FAM227B: variants seen among roughly 807,000 people sequenced by gnomAD.
The protein encoded by FAM227B is family with sequence similarity 227 member B, also known as protein FAM227B.
In FAM227B, 88 loss-of-function variants were observed where a neutral mutation model predicts 73.8. The ratio of observed to expected loss-of-function variants is 1.19; its 90% CI spans 1.00 to 1.42. The LOEUF is 1.42. FAM227B is among the 40% of genes most tolerant of loss of function. The pLI, the probability that FAM227B is intolerant of heterozygous loss-of-function variation, is 0.00. For synonymous variants in FAM227B, 210 were observed against 190.5 expected, an observed-to-expected ratio of 1.10 and a Z score of -0.84; for missense variants, 632 against 590.9, an observed-to-expected ratio of 1.07 and a Z score of -0.72.
At chr15:49,430,387 A>G (rs1313511505) in intron 11 of FAM227B, among the ~76,000 whole-genome samples, 1 of 151,790 alleles carries the variant, frequency 6.6e-6, no homozygotes, top group African/African-American at 2.4e-5. Context: ...ATGCTCCCAG[A>G]TTAGGATCTC....
At chr15:49,515,908 G>A (rs772619929) in intron 10 of FAM227B, among the ~76,000 whole-genome samples, 10 of 152,036 alleles carry the variant, frequency 6.6e-5, no homozygotes, top group East Asian at 1.9e-4. Flanking sequence ...GATATCCTCC[G>A]TTGCCCTGAA....
intron 9 of FAM227B, among the ~76,000 whole-genome samples, chr15:49,545,879 T>G (rs1430717113): frequency 1.3e-5 from 2 of 151,918 alleles, no homozygotes; most frequent in Non-Finnish European, 2.9e-5. Context: ...TTGATTTTCT[T>G]AAATTTATTG....
chr15:49,345,376 T>C lies in FAM227B; in HGVS notation c.1272-9880A>G, dbSNP rs183863210. Among the ~76,000 whole-genome samples, 225 of 152,348 alleles carry C rather than the reference T, an allele frequency of 1.5e-3. 1 individual carries two copies. Among genetic ancestry groups the C allele is most frequent in the Middle Eastern group, 0.01 (3 of 294 alleles). On this transcript the variant is annotated intron_variant, in intron 13 of 15. Transcript: ENST00000299338. Reference sequence around the variant, plus strand: ...AATGAAGTGCTGGGCTGCATGATGTTGGTGTTGACTGAAATCTTAGCATTT... The same window carrying C: ...AATGAAGTGCTGGGCTGCATGATGTCGGTGTTGACTGAAATCTTAGCATTT...
At chr15:49,424,850 A>C (rs1473956621) in intron 11 of FAM227B, 1 of 244,678 alleles carries the variant, frequency 4.1e-6, no homozygotes, top group African/African-American at 2.2e-5. Context: ...TCATAAGTTA[A>C]GCAAAATGTA....
At chr15:49,478,664 T>C (rs1362459818) in intron 11 of FAM227B, among the ~76,000 whole-genome samples, 1 of 152,134 alleles carries the variant, frequency 6.6e-6, no homozygotes, top group East Asian at 1.9e-4. Flanking sequence ...GCCTCCACTT[T>C]TTTTCCAACT....
At chr15:49,378,590 A>C (rs2046320716) in intron 11 of FAM227B, among the ~76,000 whole-genome samples, 1 of 151,892 alleles carries the variant, frequency 6.6e-6, no homozygotes, top group South Asian at 2.1e-4. Context: ...TACTTTTAAG[A>C]TTTCTTATTC....
At position 49,396,756 on chromosome 15, in the gene FAM227B, G is replaced by A. The variant is rs538476185; in HGVS notation, c.1013-25357C>T. 6.7e-3 allele frequency among the ~76,000 whole-genome samples: 984 copies of A among 146,394 alleles called. 8 individuals are homozygous for A. Among genetic ancestry groups the A allele is most frequent in the African/African-American group, 0.011 (439 of 40,874 alleles). Reference sequence around the variant, plus strand: ...GGGCACACTGACACCTCACACGGCAGGGTACTCCAACAGACCTGCGGCTGA... The same window carrying A: ...GGGCACACTGACACCTCACACGGCAAGGTACTCCAACAGACCTGCGGCTGA... On this transcript the variant is annotated intron_variant, in intron 11 of 15. Coordinates refer to ENST00000299338, the MANE Select transcript of FAM227B (RefSeq NM_152647.3).
chr15:49,616,507 C>T (rs942669734), intron 1 of FAM227B, among the ~76,000 whole-genome samples: 3 of 151,936 alleles, frequency 2.0e-5, no homozygotes, highest in Non-Finnish European at 4.4e-5. Context: ...GATGCTCTGT[C>T]TATATAAGAG....
chr15:49,387,245 C>T (rs543156772), intron 11 of FAM227B, among the ~76,000 whole-genome samples: 2 of 151,710 alleles, frequency 1.3e-5, no homozygotes, highest in South Asian at 2.1e-4. Flanking sequence ...AAATCCCCCC[C>T]AAAATACTAG....
chr15:49,600,611 C>T (rs1370783937), intron 3 of FAM227B, among the ~76,000 whole-genome samples: 1 of 148,662 alleles, frequency 6.7e-6, no homozygotes, highest in Non-Finnish European at 1.5e-5. Flanking sequence ...GCTGAGATCG[C>T]ACCACTGCAC....
intron 9 of FAM227B, among the ~76,000 whole-genome samples, chr15:49,562,472 C>A (rs1257705519): frequency 2.0e-5 from 3 of 151,854 alleles, no homozygotes; most frequent in Admixed American, 6.6e-5. Context: ...AACTGAGGAA[C>A]CTTAGCGGGG....
intron 11 of FAM227B, among the ~76,000 whole-genome samples, chr15:49,451,087 C>G (rs1022504814): frequency 1.3e-5 from 2 of 151,888 alleles, no homozygotes; most frequent in African/African-American, 4.8e-5. Context: ...CAGATATAAT[C>G]CCATGACCTA....
At chr15:49,566,736 CTT>C (rs1339013982) in intron 9 of FAM227B, among the ~76,000 whole-genome samples, 1 of 152,174 alleles carries the variant, frequency 6.6e-6, no homozygotes, top group African/African-American at 2.4e-5. Context: ...TAAAGGAAGA[CTT>C]AGTGCAAGTC....
At chr15:49,611,359 T>C in intron 2 of FAM227B, 91 bp from the exon 3 acceptor site, 1 of 657,100 alleles carries the variant, frequency 1.5e-6, no homozygotes, top group South Asian at 2.3e-5. Flanking sequence ...AAAATGATAC[T>C]CTATTTATCA....
chr15:49,408,992 G>T (rs1350791510), intron 11 of FAM227B, among the ~76,000 whole-genome samples: 2 of 152,114 alleles, frequency 1.3e-5, no homozygotes, highest in African/African-American at 4.8e-5. Flanking sequence ...ATATTTCTTG[G>T]ATTGCCTTTA....
At chr15:49,513,468 T>G (rs1436894415) in intron 10 of FAM227B, among the ~76,000 whole-genome samples, 1 of 152,202 alleles carries the variant, frequency 6.6e-6, no homozygotes, top group Non-Finnish European at 1.5e-5. Context: ...TTCTTGTAAA[T>G]TTGTTTAAGT....
chr15:49,484,203 G>A, intron 11 of FAM227B: 1 of 703,966 alleles, frequency 1.4e-6, no homozygotes, highest in South Asian at 1.9e-5. Context: ...GTTAAAAAAA[G>A]TTGTGTATGT....
At chr15:49,344,682 C>T (rs901763446) in intron 13 of FAM227B, among the ~76,000 whole-genome samples, 1 of 152,196 alleles carries the variant, frequency 6.6e-6, no homozygotes, top group African/African-American at 2.4e-5. Context: ...ATTACATAAA[C>T]AAGAAGTCTG....
Position 49,589,949 on chromosome 15 carries a change from T to G in FAM227B, c.164A>C (p.Lys55Thr), listed in dbSNP as rs1189738548. 2 of 1,609,520 alleles carry G rather than the reference T, an allele frequency of 1.2e-6. 1 individual carries two copies. Among genetic ancestry groups the G allele is most frequent in the Admixed American group, 3.3e-5 (2 of 59,978 alleles). ...AAATGAACTATCTTCTTTTATTTTTTTCAGAGTGCATGACCATTTATCATC... is the reference window on the plus strand; with the variant it reads ...AAATGAACTATCTTCTTTTATTTTTGTCAGAGTGCATGACCATTTATCATC... Reference protein sequence around the residue: ...RDDDKWSCTLKKIKEDSSFVS... With the variant: ...RDDDKWSCTLTKIKEDSSFVS... The change falls in exon 4 of 16, where the codon AAA becomes ACA. Residue 55 changes from lysine to threonine, a missense_variant. By Grantham distance (78) the Lys-to-Thr change is moderately conservative. Coordinates refer to ENST00000299338, the MANE Select transcript of FAM227B (RefSeq NM_152647.3).
Sources: allele counts gnomAD v4.1 joint callset (sites outside exome capture counted in the v4.1 genomes callset), GRCh38; gene constraint gnomAD v4.1.1; transcripts MANE v1.5; gene names NCBI Gene and HGNC (gene_info 2026-07-23, HGNC 2026-07-21).